Variants in CCNY observed in about 807,000 individuals in gnomAD.
CCNY encodes cyclin-Y.
A neutral mutation model predicts 42.8 loss-of-function variants in CCNY; 19 were observed. The ratio of observed to expected loss-of-function variants is 0.44; its 90% CI spans 0.31 to 0.65. The LOEUF (loss-of-function observed/expected upper bound fraction) is 0.65, where lower values mean the gene tolerates loss of function less well. Among genes scored for constraint, CCNY ranks in the 30% least tolerant of loss-of-function variants. The pLI, the probability that CCNY is intolerant of heterozygous loss-of-function variation, is 0.07. For synonymous variants in CCNY, 165 were observed against 162.7 expected (o/e 1.01, Z -0.11); for missense variants, 370 against 437.3 (o/e 0.85, Z 1.37).
intron 7 of CCNY, among the ~76,000 whole-genome samples, chr10:35,537,127 G>A (rs1840902095): frequency 6.6e-6 from 1 of 152,202 alleles, no homozygotes; most frequent in South Asian, 2.1e-4. Flanking sequence ...AGGGGCCAAG[G>A]CACAGCTCGG....
At chr10:35,360,578 T>C (rs1836662671) in intron 1 of CCNY, among the ~76,000 whole-genome samples, 1 of 151,906 alleles carries the variant, frequency 6.6e-6, no homozygotes, top group South Asian at 2.1e-4. Flanking sequence ...CACTGTGCTC[T>C]GCCTAAATTT....
intron 1 of CCNY, among the ~76,000 whole-genome samples, chr10:35,364,533 A>G (rs181601118): frequency 1.2e-3 from 182 of 152,338 alleles, no homozygotes; most frequent in Non-Finnish European, 1.9e-3. Flanking sequence ...ATATGCCAGT[A>G]GGATGCTCTT....
At chr10:35,478,906 A>G (rs987438382) in intron 1 of CCNY, among the ~76,000 whole-genome samples, 3 of 152,240 alleles carry the variant, frequency 2.0e-5, no homozygotes, top group African/African-American at 7.2e-5. Context: ...AACTCAAACA[A>G]ATTTACAAGA....
chr10:35,546,697 T>G (rs1015713862), intron 7 of CCNY, among the ~76,000 whole-genome samples: 26 of 152,234 alleles, frequency 1.7e-4, no homozygotes, highest in African/African-American at 5.5e-4. Flanking sequence ...CAGGATGTAT[T>G]GTGTTGTCTG....
intron 2 of CCNY, among the ~76,000 whole-genome samples, chr10:35,485,131 G>A (rs1465858268): frequency 6.6e-6 from 1 of 152,200 alleles, no homozygotes; most frequent in Admixed American, 6.5e-5. Context: ...AAAAGGGAAA[G>A]TAACCAATAC....
chr10:35,552,540 T>C (rs1363137341), intron 7 of CCNY, among the ~76,000 whole-genome samples: 2 of 152,206 alleles, frequency 1.3e-5, no homozygotes, highest in African/African-American at 4.8e-5. Flanking sequence ...CTGAAAATGG[T>C]TAAATGGTAA....
intron 1 of CCNY, among the ~76,000 whole-genome samples, chr10:35,362,928 C>T (rs970162206): frequency 6.6e-6 from 1 of 151,854 alleles, no homozygotes; most frequent in African/African-American, 2.4e-5. Context: ...AGAGGCGATC[C>T]TCACTTCCCA....
chr10:35,471,247 G>A lies in CCNY; in HGVS notation c.155-12157G>A, dbSNP rs192296052. ...TGGGGCGTGGCAGTGCAGAGAAAGG[G>A]GGATGCGAGGGGCTTGCGAGGGGGA... is the stretch of plus-strand genomic sequence containing the variant. On this transcript the variant is annotated intron_variant, in intron 1 of 9. Coordinates refer to ENST00000374704, the MANE Select transcript of CCNY (RefSeq NM_145012.6). 3.9e-3 allele frequency among the ~76,000 whole-genome samples: 595 copies of A among 152,274 alleles called. 4 individuals carry two copies. Among genetic ancestry groups the A allele is most frequent in the Non-Finnish European group, 5.6e-3 (379 of 68,028 alleles).
At chr10:35,447,451 A>G (rs889067152) in intron 1 of CCNY, among the ~76,000 whole-genome samples, 4 of 152,170 alleles carry the variant, frequency 2.6e-5, no homozygotes, top group African/African-American at 9.7e-5. Flanking sequence ...GGGAAACACC[A>G]CTGTGGTCTT....
chr10:35,259,035 A>C (rs1292356480), intron 3 of CCNY, among the ~76,000 whole-genome samples: 1 of 152,126 alleles, frequency 6.6e-6, no homozygotes, highest in Non-Finnish European at 1.5e-5. Context: ...AAATTGACCA[A>C]AATTAACCAC....
chr10:35,461,250 G>C (rs1216129541), intron 1 of CCNY, among the ~76,000 whole-genome samples: 1 of 152,208 alleles, frequency 6.6e-6, no homozygotes, highest in East Asian at 1.9e-4. Flanking sequence ...TCGATAGGTA[G>C]AGGGACTGCA....
intron 1 of CCNY, among the ~76,000 whole-genome samples, chr10:35,481,630 G>C (rs1839671555): frequency 6.6e-6 from 1 of 152,166 alleles, no homozygotes; most frequent in South Asian, 2.1e-4. Context: ...CACCTTGCTG[G>C]CATGTGGGAA....
At chr10:35,504,238 A>T (rs947785731) in intron 3 of CCNY, among the ~76,000 whole-genome samples, 1 of 152,228 alleles carries the variant, frequency 6.6e-6, no homozygotes, top group African/African-American at 2.4e-5. Flanking sequence ...CAGGACCATG[A>T]TAACTGCAGG....
chr10:35,330,339 T>C (rs953619681), intron 3 of CCNY, among the ~76,000 whole-genome samples: 1 of 152,224 alleles, frequency 6.6e-6, no homozygotes, highest in Non-Finnish European at 1.5e-5. Flanking sequence ...ATCATTTCTT[T>C]TTCCTACCTA....
rs1589191916 is a variant in CCNY, at chr10:35,539,129, T to C, written c.579+8886T>C. Among the ~76,000 whole-genome samples the C allele has an allele frequency of 2.6e-5, 4 of 152,350 alleles. No homozygotes were observed. In the South Asian group the frequency reaches 8.3e-4, roughly 32 times the overall value. On this transcript the variant is annotated intron_variant, in intron 7 of 9. Transcript: ENST00000374704. The stretch of plus-strand genomic sequence containing the variant: ...GTTCCATTTATCTATATGTATTTCC[T>C]TATATCAGTACTACACTATCTTGAT...
At chr10:35,388,194 T>G (rs1177692843) in intron 1 of CCNY, among the ~76,000 whole-genome samples, 1 of 152,236 alleles carries the variant, frequency 6.6e-6, no homozygotes, top group East Asian at 1.9e-4. Context: ...ATTTAAATGT[T>G]GTGCTCCATT....
At chr10:35,412,860 CAAAAAAAAAA>C (rs10558250) in intron 1 of CCNY, among the ~76,000 whole-genome samples, 12 of 34,766 alleles carry the variant, frequency 3.5e-4, no homozygotes, top group Middle Eastern at 0.028. Flanking sequence ...GACTCTGTCT[CAAAAAAAAAA>C]AAAAAAAAAA....
intron 3 of CCNY, among the ~76,000 whole-genome samples, chr10:35,303,743 C>T (rs1835566825): frequency 7.5e-6 from 1 of 133,574 alleles, no homozygotes; most frequent in Non-Finnish European, 1.5e-5. Flanking sequence ...TACCATTGCA[C>T]TCCAGCCTGG....
At chr10:35,449,355 C>T (rs1002213014) in intron 1 of CCNY, among the ~76,000 whole-genome samples, 4 of 151,852 alleles carry the variant, frequency 2.6e-5, no homozygotes, top group East Asian at 1.9e-4. Flanking sequence ...AGAAAGTGGG[C>T]ATCTCTAGTA....
Sources: allele counts gnomAD v4.1 joint callset (sites outside exome capture counted in the v4.1 genomes callset), GRCh38; gene constraint gnomAD v4.1.1; transcripts MANE v1.5; gene names NCBI Gene and HGNC (gene_info 2026-07-23, HGNC 2026-07-21).